Variants in ANO1 observed in about 807,000 individuals in gnomAD.
ANO1 encodes anoctamin-1.
Under a neutral mutation model 124.0 loss-of-function variants are expected in ANO1, and 59 were observed. The ratio of observed to expected loss-of-function variants is 0.48; its 90% CI spans 0.39 to 0.59. The LOEUF is 0.59. Ranked by LOEUF, ANO1 falls within the 20% of genes least tolerant of loss-of-function variation. The probability of loss-of-function intolerance (pLI) is 0.00; values close to 1 mark genes in which losing one functional copy is unlikely to be tolerated. For missense variants in ANO1, 1,059 were observed against 1,328.0 expected, an observed-to-expected ratio of 0.80 and a Z score of 3.15; for synonymous variants, 529 against 532.0, an observed-to-expected ratio of 0.99 and a Z score of 0.08.
intron 23 of ANO1, among the ~76,000 whole-genome samples, chr11:70,182,140 G>A (rs1404154919): frequency 6.6e-6 from 1 of 152,158 alleles, no homozygotes; most frequent in Non-Finnish European, 1.5e-5. Flanking sequence ...GTGCATACAT[G>A]GTGTGGGTGT....
At chr11:70,094,982 G>A (rs2044782644) in intron 2 of ANO1, among the ~76,000 whole-genome samples, 1 of 152,080 alleles carries the variant, frequency 6.6e-6, no homozygotes, top group African/African-American at 2.4e-5. Context: ...TGAGGCAGGA[G>A]GATCACCTGA....
At chr11:70,174,263 G>GC (rs2048593410) in intron 22 of ANO1, among the ~76,000 whole-genome samples, 1 of 150,532 alleles carries the variant, frequency 6.6e-6, no homozygotes, top group South Asian at 2.1e-4. Flanking sequence ...TTTAATGTTG[G>GC]CATGCACCTG....
At chr11:70,105,606 G>A in intron 4 of ANO1, 128 bp from the exon 5 acceptor site, 1 of 841,758 alleles carries the variant, frequency 1.2e-6, no homozygotes, top group East Asian at 2.6e-5. Flanking sequence ...TACCTGGCGT[G>A]CGGACAGAGT....
At chr11:69,974,887 T>TAAAA in the ANO1 span, among the ~76,000 whole-genome samples, 3 of 127,650 alleles carry the variant, frequency 2.4e-5, no homozygotes, top group South Asian at 4.9e-4. Flanking sequence ...CCTCCGTCTC[T>TAAAA]AAAAAAAAAA....
chr11:70,136,002 C>T (rs183516380), intron 11 of ANO1, among the ~76,000 whole-genome samples: 11 of 152,352 alleles, frequency 7.2e-5, no homozygotes, highest in African/African-American at 1.4e-4. Flanking sequence ...AGCCACAGAA[C>T]GAGCCCCTCC....
intron 1 of ANO1, among the ~76,000 whole-genome samples, chr11:70,017,027 G>A (rs1856714869): frequency 6.6e-6 from 1 of 152,170 alleles, no homozygotes; most frequent in South Asian, 2.1e-4. Context: ...AGGCTGCCGG[G>A]GGCAAGGATT....
intron 2 of ANO1, among the ~76,000 whole-genome samples, chr11:70,090,001 TTGTTTG>T (rs1565188247): frequency 3.6e-4 from 31 of 85,666 alleles, no homozygotes; most frequent in African/African-American, 2.2e-3. Context: ...GTTTGTTTGT[TTGTTTG>T]TTTGTTTGTT....
intron 1 of ANO1, among the ~76,000 whole-genome samples, chr11:70,027,032 A>G (rs112743360): frequency 5.3e-5 from 8 of 152,248 alleles, no homozygotes; most frequent in African/African-American, 1.9e-4. Flanking sequence ...TGACCTCCTC[A>G]GTCAGGTGTG....
the ANO1 span, among the ~76,000 whole-genome samples, chr11:69,966,598 TG>T: frequency 6.6e-6 from 1 of 151,704 alleles, no homozygotes; most frequent in African/African-American, 2.4e-5. Context: ...GAAAGAGCGA[TG>T]GAAGAGCTGG....
chr11:70,021,665 G>A (rs533635232), intron 1 of ANO1, among the ~76,000 whole-genome samples: 10 of 152,080 alleles, frequency 6.6e-5, no homozygotes, highest in East Asian at 3.9e-4. Context: ...CATGTCGATC[G>A]TCTGAGAAAT....
chr11:69,981,519 C>G (rs1855959449), upstream of ANO1, among the ~76,000 whole-genome samples: 3 of 152,238 alleles, frequency 2.0e-5, no homozygotes, highest in Admixed American at 2.0e-4. Context: ...CCAAGGGCCC[C>G]TCTGCAAGTT....
At position 70,008,645 on chromosome 11, in the gene ANO1, C is replaced by CTTT. The variant is rs3078418; in HGVS notation, c.58+22489_58+22491dup. ...TGCCAACTGTTTTACTCCTTTAGCTCTTTTTTTTTTTTAAGGCGTGATATT... is the reference window on the plus strand; with the variant it reads ...TGCCAACTGTTTTACTCCTTTAGCTCTTTTTTTTTTTTTTTAAGGCGTGATATT... On this transcript the variant is annotated intron_variant, in intron 1 of 27. Coordinates refer to the ANO1 transcript ENST00000531349. Among the ~76,000 whole-genome samples, 1,254 of 148,152 alleles carry CTTT rather than the reference C, an allele frequency of 8.5e-3. 17 individuals carry two copies. The highest frequency in any genetic ancestry group is 0.01 in the Non-Finnish European group (678 of 67,158).
At chr11:70,142,750 A>C (rs559996488) in intron 11 of ANO1, among the ~76,000 whole-genome samples, 1 of 152,348 alleles carries the variant, frequency 6.6e-6, no homozygotes, top group South Asian at 2.1e-4. Flanking sequence ...AGTATGGAGA[A>C]GTCCAAGATC....
intron 22 of ANO1, among the ~76,000 whole-genome samples, 166 bp from the exon 23 acceptor site, chr11:70,179,838 T>C (rs1368689611): frequency 6.6e-6 from 1 of 152,264 alleles, no homozygotes; most frequent in Non-Finnish European, 1.5e-5. Context: ...GGCACTGGCC[T>C]GGCTTCCTCA....
chr11:70,140,938 T>C (rs1565241409), intron 11 of ANO1, among the ~76,000 whole-genome samples: 1 of 152,146 alleles, frequency 6.6e-6, no homozygotes. Context: ...GCCTCATTTT[T>C]CCTAGTCCTC....
At chr11:70,093,480 G>A (rs1421926683) in intron 2 of ANO1, among the ~76,000 whole-genome samples, 2 of 152,180 alleles carry the variant, frequency 1.3e-5, no homozygotes, top group African/African-American at 4.8e-5. Flanking sequence ...CATTATTTAT[G>A]TCCATGGGGT....
chr11:70,131,647 G>C (rs1259418069), intron 10 of ANO1, among the ~76,000 whole-genome samples: 3 of 152,216 alleles, frequency 2.0e-5, no homozygotes, highest in South Asian at 2.1e-4. Context: ...TTTTAAGGCA[G>C]CAACAGGGGA....
intron 14 of ANO1, among the ~76,000 whole-genome samples, chr11:70,154,158 G>T (rs556235117): frequency 6.6e-6 from 1 of 152,170 alleles, no homozygotes; most frequent in Admixed American, 6.5e-5. Flanking sequence ...GGAGATGCCC[G>T]CACTGACCCT....
At chr11:70,147,489 G>A (rs1232703265) in intron 11 of ANO1, among the ~76,000 whole-genome samples, 1 of 152,222 alleles carries the variant, frequency 6.6e-6, no homozygotes, top group Non-Finnish European at 1.5e-5. Context: ...CTGAGTGGCT[G>A]GGTTTCCAGC....
Sources: allele counts gnomAD v4.1 joint callset (sites outside exome capture counted in the v4.1 genomes callset), GRCh38; gene constraint gnomAD v4.1.1; transcripts MANE v1.5; gene names NCBI Gene and HGNC (gene_info 2026-07-23, HGNC 2026-07-21).